EXT1: variants seen among roughly 807,000 people sequenced by gnomAD.
The protein encoded by EXT1 is exostosin glycosyltransferase 1, also known as exostosin-1.
In EXT1, 20 loss-of-function variants were observed where a neutral mutation model predicts 82.5. The ratio of observed to expected loss-of-function variants is 0.24; its 90% CI spans 0.17 to 0.35. The LOEUF is 0.35. EXT1 is among the 10% of genes least tolerant of loss of function. EXT1 has a pLI of 1.00. For synonymous variants in EXT1, 348 were observed against 350.8 expected, an observed-to-expected ratio of 0.99 and a Z score of 0.09; for missense variants, 757 against 936.5, an observed-to-expected ratio of 0.81 and a Z score of 2.50.
chr8:117,977,823 AG>A (rs140985901), intron 1 of EXT1, among the ~76,000 whole-genome samples: 2,147 of 152,324 alleles, frequency 0.014, 51 homozygotes, highest in African/African-American at 0.047. Flanking sequence ...TACATAATAA[AG>A]AATTTAAATT....
chr8:118,078,477 C>T (rs957145607), intron 1 of EXT1, among the ~76,000 whole-genome samples: 27 of 151,808 alleles, frequency 1.8e-4, no homozygotes, highest in South Asian at 2.1e-4. Context: ...AGATTACAGG[C>T]ATGAGCCACC....
At chr8:117,880,735 C>T (rs745823143) in intron 1 of EXT1, among the ~76,000 whole-genome samples, 22 of 151,914 alleles carry the variant, frequency 1.4e-4, no homozygotes, top group South Asian at 4.2e-4. Context: ...GGACTACAGG[C>T]GCCCGCCACC....
At chr8:117,979,277 C>T (rs572193901) in intron 1 of EXT1, among the ~76,000 whole-genome samples, 1 of 151,926 alleles carries the variant, frequency 6.6e-6, no homozygotes, top group Non-Finnish European at 1.5e-5. Flanking sequence ...TTGCTTGAAC[C>T]CAGGAGGCAG....
intron 1 of EXT1, among the ~76,000 whole-genome samples, chr8:117,858,802 A>C (rs1191780070): frequency 9.3e-6 from 1 of 107,074 alleles, no homozygotes; most frequent in African/African-American, 4.6e-5. Context: ...AGGCAAGGCA[A>C]GGCAAGGCAG....
chr8:117,800,973 C>A (rs1823158274), intron 10 of EXT1, among the ~76,000 whole-genome samples: 1 of 152,168 alleles, frequency 6.6e-6, no homozygotes, highest in East Asian at 1.9e-4. Flanking sequence ...CCCCACAAGC[C>A]CATTTATGTC....
In EXT1 at chr8:118,110,296, A is replaced by T. The variant is rs1294549175; in HGVS notation, c.751T>A (p.Leu251Met). 1 of 1,614,080 alleles carries T rather than the reference A, an allele frequency of 6.2e-7. No individual in the cohort carries two copies. The highest frequency in any genetic ancestry group is 2.2e-5 in the East Asian group (1 of 44,866). ...HPRTGGERGF[L>M]KFNTIPPLRK... is the part of the protein sequence containing the mutation. ...AGAGGAGGGATGGTGTTGAACTTCA[A>T]AAACCCCCTCTCCCCTCCTGTCCTG... The change falls in exon 1 of 11, where the codon TTG becomes ATG. Residue 251 changes from leucine (L) to methionine (M), a missense_variant. Physicochemically the swap from Leu to Met is conservative, Grantham distance 15. Around this residue, in one of 4 missense-constraint regions of EXT1, gnomAD observed 247 missense variants for 330.1 expected, o/e 0.75. Coordinates refer to ENST00000378204, the MANE Select transcript of EXT1 (RefSeq NM_000127.3).
intron 3 of EXT1, among the ~76,000 whole-genome samples, chr8:117,832,463 C>T (rs893843437): frequency 6.6e-6 from 1 of 151,156 alleles, no homozygotes; most frequent in African/African-American, 2.4e-5. Context: ...GCAGAAGTTG[C>T]AGTGAGCTGA....
At chr8:118,055,445 C>G (rs896454043) in intron 1 of EXT1, among the ~76,000 whole-genome samples, 1 of 152,188 alleles carries the variant, frequency 6.6e-6, no homozygotes, top group Non-Finnish European at 1.5e-5. Context: ...GCTGTGAACA[C>G]GTGTAGACAA....
chr8:118,027,313 TCACACA>T (rs71307421), intron 1 of EXT1, among the ~76,000 whole-genome samples: 2,884 of 145,474 alleles, frequency 0.02, 74 homozygotes, highest in African/African-American at 0.06. Flanking sequence ...TCAGTTTCTT[TCACACA>T]CACACACACA....
intron 1 of EXT1, among the ~76,000 whole-genome samples, chr8:118,046,657 T>G (rs185727199): frequency 6.6e-6 from 1 of 152,292 alleles, no homozygotes; most frequent in East Asian, 1.9e-4. Flanking sequence ...AAACCTAGAA[T>G]TACATTTATA....
At position 117,844,143 on chromosome 8, in the gene EXT1, T is replaced by TTATTATTATTAC. The variant is rs1292693431; in HGVS notation, c.963-6943_963-6942insGTAATAATAATA. Among the ~76,000 whole-genome samples, 7 of 136,376 alleles carry TTATTATTATTAC rather than the reference T, an allele frequency of 5.1e-5. 1 individual carries two copies. In the South Asian group the frequency reaches 1.1e-3, roughly 21 times the overall value. The allele number at this position is 136,376 out of a possible 152,430, so 89.5% of individuals were successfully genotyped here. A position where few individuals can be genotyped will look rare whatever the true frequency, so the allele number is the denominator to read the frequency against. ...CAGTTTAAAATTTCAATTACTATTA[T>TTATTATTATTAC]TATTATTATTATTATTATTATTATT... is the stretch of plus-strand genomic sequence containing the variant. On this transcript the variant is annotated intron_variant, in intron 1 of 10. Coordinates refer to ENST00000378204, the MANE Select transcript of EXT1 (RefSeq NM_000127.3).
At chr8:117,832,520 TAAAAA>T (rs78434447) in intron 3 of EXT1, among the ~76,000 whole-genome samples, 1 of 142,092 alleles carries the variant, frequency 7.0e-6, no homozygotes, top group African/African-American at 2.6e-5. Context: ...AAGACTGTCT[TAAAAA>T]AAAAAAAGAA....
chr8:117,949,343 C>T (rs893140987), intron 1 of EXT1, among the ~76,000 whole-genome samples: 11 of 151,742 alleles, frequency 7.2e-5, no homozygotes, highest in African/African-American at 2.4e-4. Context: ...CATCATAAGC[C>T]TACATACTTA....
intron 1 of EXT1, among the ~76,000 whole-genome samples, chr8:118,087,882 G>T (rs1461167413): frequency 6.6e-6 from 1 of 150,848 alleles, no homozygotes; most frequent in African/African-American, 2.4e-5. Context: ...TCATTTTATG[G>T]GGATTGTGTT....
chr8:117,962,771 A>C (rs78695521), intron 1 of EXT1, among the ~76,000 whole-genome samples: 1,819 of 85,646 alleles, frequency 0.021, 22 homozygotes, highest in Non-Finnish European at 0.026. Context: ...CCCCACCCCC[A>C]AAAAAAAGAG....
At chr8:117,846,397 CGTGCCTGG>C (rs1251913217) in intron 1 of EXT1, among the ~76,000 whole-genome samples, 2 of 152,080 alleles carry the variant, frequency 1.3e-5, no homozygotes, top group Non-Finnish European at 2.9e-5. Flanking sequence ...CGTGAGCCAT[CGTGCCTGG>C]CCAGCACCAG....
chr8:118,002,101 T>C (rs1224727287), intron 1 of EXT1, among the ~76,000 whole-genome samples: 1 of 152,192 alleles, frequency 6.6e-6, no homozygotes, highest in Non-Finnish European at 1.5e-5. Context: ...AGGAAAGTTT[T>C]AATGGTGAAT....
intron 1 of EXT1, among the ~76,000 whole-genome samples, chr8:117,975,543 C>A (rs1166464124): frequency 6.6e-6 from 1 of 152,044 alleles, no homozygotes; most frequent in African/African-American, 2.4e-5. Context: ...TTCTAGGAAG[C>A]CTTCTCTGAA....
intron 1 of EXT1, among the ~76,000 whole-genome samples, chr8:117,932,196 G>A (rs1814073491): frequency 6.6e-6 from 1 of 152,158 alleles, no homozygotes; most frequent in African/African-American, 2.4e-5. Context: ...AAATGTTAGA[G>A]TGTCTATTTA....
Sources: gnomAD v4.1 joint callset for allele counts (sites outside exome capture counted in the v4.1 genomes callset) on GRCh38, gnomAD v4.1.1 for gene constraint, gnomAD v4.1.1 regional missense constraint, MANE v1.5 for transcripts, NCBI Gene and HGNC (gene_info 2026-07-23, HGNC 2026-07-21) for gene names.